PTGFRN: variants seen among roughly 807,000 people sequenced by gnomAD.
PTGFRN encodes prostaglandin F2 receptor negative regulator.
Under a neutral mutation model 83.2 loss-of-function variants are expected in PTGFRN, and 35 were observed. The ratio of observed to expected loss-of-function variants is 0.42; its 90% CI spans 0.32 to 0.56. The LOEUF is 0.56. Ranked by LOEUF, PTGFRN falls within the 20% of genes least tolerant of loss-of-function variation. The pLI, the probability that PTGFRN is intolerant of heterozygous loss-of-function variation, is 0.11. For synonymous variants in PTGFRN, 519 were observed against 498.6 expected (o/e 1.04, Z -0.55); for missense variants, 1,051 against 1,179.5 (o/e 0.89, Z 1.60).
chr1:116,909,963 G>A lies in PTGFRN; in HGVS notation c.-241G>A. ...TCGGGGCTGCACACTCGGATCGGCG[G>A]GGCCGGCTCCCGGGCCCGGCCGGCT... On this transcript the variant is annotated 5_prime_UTR_variant, in exon 1 of 9. Coordinates refer to ENST00000393203, the MANE Select transcript of PTGFRN (RefSeq NM_020440.4). 3.5e-6 allele frequency: 2 copies of A among 571,962 alleles called. No homozygotes were observed. Among genetic ancestry groups the A allele is most frequent in the South Asian group, 4.0e-5 (2 of 49,934 alleles). The allele number at this position is 571,962 out of a possible 1,614,324, so 35.4% of individuals were successfully genotyped here.
At position 116,952,999 on chromosome 1, in the gene PTGFRN, ATCTCCT is replaced by A. The variant is rs1303016292; in HGVS notation, c.1213+3431_1213+3436del. ...GGCTAGTTAATCTGCACATTAAGCC[ATCTCCT>A]TCTGCTATCAGATGTCTTAAATGAG... is the stretch of plus-strand genomic sequence containing the variant. On this transcript the variant is annotated intron_variant, in intron 4 of 8. Transcript: ENST00000393203. The surrounding 1 kb of genome is among the most constrained non-coding windows in gnomAD (Gnocchi z 4.0). Among the ~76,000 whole-genome samples the A allele has an allele frequency of 6.6e-6, 1 of 152,226 alleles. No homozygotes were observed. The highest frequency in any genetic ancestry group is 1.5e-5 in the Non-Finnish European group (1 of 68,030).
intron 1 of PTGFRN, among the ~76,000 whole-genome samples, chr1:116,912,929 A>G (rs1053134155): frequency 1.3e-5 from 2 of 152,102 alleles, no homozygotes; most frequent in Non-Finnish European, 2.9e-5. Context: ...AAGCCTACCT[A>G]CCATGATCAC....
At chr1:116,954,109 C>G (rs746615016) in intron 4 of PTGFRN, among the ~76,000 whole-genome samples, 1 of 152,076 alleles carries the variant, frequency 6.6e-6, no homozygotes, top group Non-Finnish European at 1.5e-5. Context: ...CCGCCCGTCT[C>G]GGCCTCCCAA....
chr1:116,939,963 C>G (rs1650019830), intron 1 of PTGFRN, among the ~76,000 whole-genome samples: 1 of 152,172 alleles, frequency 6.6e-6, no homozygotes, highest in South Asian at 2.1e-4. Context: ...AGTTCCTCAT[C>G]TCCATCTGCA....
rs765722452 is a variant in PTGFRN at position 116,941,969 on chromosome 1, G to T, written c.304G>T (p.Val102Leu). ...ILLRRTANDAVELHIKNVQPS... is the reference protein window; with the variant it reads ...ILLRRTANDALELHIKNVQPS... ...GTTAAGGCGGACTGCCAACGACGCCGTGGAGCTCCACATAAAGAACGTCCA... is the reference window on the plus strand; with the variant it reads ...GTTAAGGCGGACTGCCAACGACGCCTTGGAGCTCCACATAAAGAACGTCCA... Residue 102 changes from valine to leucine, a missense_variant, in exon 2 of 9, where the codon GTG becomes TTG. This residue lies in a region of PTGFRN where 127 missense variants were observed against 168.4 expected (regional missense o/e 0.75). Transcript: ENST00000393203. The surrounding 1 kb of genome is among the most constrained non-coding windows in gnomAD (Gnocchi z 5.0). The T allele has an allele frequency of 6.2e-7, 1 of 1,614,176 alleles. No homozygotes were observed. Among genetic ancestry groups the T allele is most frequent in the Non-Finnish European group, 8.5e-7 (1 of 1,180,038 alleles).
intron 1 of PTGFRN, among the ~76,000 whole-genome samples, chr1:116,910,779 C>T (rs1649250530): frequency 6.6e-6 from 1 of 152,172 alleles, no homozygotes; most frequent in South Asian, 2.1e-4. Flanking sequence ...ACAGGGTGGC[C>T]CGGAGCGTTA....
intron 1 of PTGFRN, among the ~76,000 whole-genome samples, chr1:116,919,550 T>C (rs1325631495): frequency 1.3e-5 from 2 of 152,150 alleles, no homozygotes; most frequent in Admixed American, 6.5e-5. Context: ...TAATGCACTT[T>C]CCATAGATGA....
At position 116,941,930 on chromosome 1, in the gene PTGFRN, A is replaced by T. The variant is rs970992669; in HGVS notation, c.265A>T (p.Arg89Trp). Residue 89 changes from arginine (R) to tryptophan (W), a missense_variant, in exon 2 of 9, where the codon AGG (arginine) becomes TGG (tryptophan). Transcript: ENST00000393203. The surrounding 1 kb of genome is among the most constrained non-coding windows in gnomAD (Gnocchi z 5.0). ...CCAGCTGTACCAGGAGCGGCTGCAG[A>T]GGGGCGAGATCCTGTTAAGGCGGAC... Reference protein sequence around the residue: ...PAQLYQERLQRGEILLRRTAN... With the variant: ...PAQLYQERLQWGEILLRRTAN... 1 of 1,614,174 alleles carries T rather than the reference A, an allele frequency of 6.2e-7. No homozygotes were observed. The highest frequency in any genetic ancestry group is 1.3e-5 in the African/African-American group (1 of 75,048).
At chr1:116,978,078 G>A (rs1651208210) in intron 7 of PTGFRN, among the ~76,000 whole-genome samples, 1 of 152,208 alleles carries the variant, frequency 6.6e-6, no homozygotes, top group Non-Finnish European at 1.5e-5. Context: ...ACTACCATCA[G>A]AGAATACTAT....
chr1:116,914,753 CAAA>C (rs370405921), intron 1 of PTGFRN, among the ~76,000 whole-genome samples: 2 of 129,456 alleles, frequency 1.5e-5, no homozygotes, highest in African/African-American at 2.9e-5. Context: ...GACCCTGTCT[CAAA>C]AAAAAAAAAG....
At chr1:116,967,454 G>A in intron 6 of PTGFRN, 124 bp downstream of exon 6, 1 of 1,004,398 alleles carries the variant, frequency 1.0e-6, no homozygotes. Flanking sequence ...CAATGTACCT[G>A]TTTAAAGTGT....
In PTGFRN at chr1:116,986,993, G is replaced by A. The variant is rs1651515186; in HGVS notation, c.*26G>A. ...GCTGGCCCGGGAGGGGAGTGACAGAGGGACGTTCTAGGAGCAATTGGGGCA... is the reference window on the plus strand; with the variant it reads ...GCTGGCCCGGGAGGGGAGTGACAGAAGGACGTTCTAGGAGCAATTGGGGCA... On this transcript the variant is annotated 3_prime_UTR_variant, in exon 9 of 9. Coordinates refer to ENST00000393203, the MANE Select transcript of PTGFRN (RefSeq NM_020440.4). The A allele has an allele frequency of 1.2e-6, 2 of 1,613,564 alleles. No individual in the cohort carries two copies. The highest frequency in any genetic ancestry group is 2.2e-5 in the East Asian group (1 of 44,868).
intron 8 of PTGFRN, among the ~76,000 whole-genome samples, chr1:116,985,545 A>G (rs1651446121): frequency 6.6e-6 from 1 of 152,046 alleles, no homozygotes; most frequent in Non-Finnish European, 1.5e-5. Context: ...AAAAATACAA[A>G]AAAGAAAAAC....
At chr1:116,968,551 T>G (rs573022952) in intron 6 of PTGFRN, among the ~76,000 whole-genome samples, 108 of 152,256 alleles carry the variant, frequency 7.1e-4, no homozygotes, top group Non-Finnish European at 1.4e-3. Context: ...TTTATTGAGA[T>G]ATAACTCACA....
intron 1 of PTGFRN, among the ~76,000 whole-genome samples, chr1:116,925,369 G>A (rs1368561586): frequency 6.6e-6 from 1 of 152,020 alleles, no homozygotes; most frequent in Non-Finnish European, 1.5e-5. Context: ...AGAGGTTGCA[G>A]TGAGCTGAGA....
In PTGFRN at chr1:116,944,651, C is replaced by T. The variant is rs777297322; in HGVS notation, c.419-28C>T. 5.7e-6 allele frequency: 8 copies of T among 1,398,114 alleles called. No homozygotes were observed. The East Asian group carries it at 2.2e-4, about 39-fold the overall frequency. The allele number at this position is 1,398,114 out of a possible 1,614,324, so 86.6% of individuals were successfully genotyped here. A position where few individuals can be genotyped will look rare whatever the true frequency, so the allele number is the denominator to read the frequency against. On this transcript the variant is annotated intron_variant, in intron 2 of 8. Coordinates refer to ENST00000393203, the MANE Select transcript of PTGFRN (RefSeq NM_020440.4). Reference sequence around the variant, plus strand: ...GCCGGCTGGGGTCGGTGTGGACGGGCTACTGACCTAGCTTTCTCTCTCCGC... The same window carrying T: ...GCCGGCTGGGGTCGGTGTGGACGGGTTACTGACCTAGCTTTCTCTCTCCGC...
chr1:116,976,147 A>G (rs1309164821), intron 7 of PTGFRN, among the ~76,000 whole-genome samples: 3 of 152,244 alleles, frequency 2.0e-5, no homozygotes, highest in South Asian at 4.1e-4. Flanking sequence ...AACGAATGAA[A>G]TGAAGCGAGA....
intron 6 of PTGFRN, among the ~76,000 whole-genome samples, chr1:116,968,967 G>A (rs1650915685): frequency 6.6e-6 from 1 of 152,150 alleles, no homozygotes; most frequent in South Asian, 2.1e-4. Flanking sequence ...TGGACGTTTA[G>A]ACTATCTCTA....
intron 1 of PTGFRN, among the ~76,000 whole-genome samples, chr1:116,932,578 C>T (rs1414732809): frequency 6.6e-6 from 1 of 151,960 alleles, no homozygotes; most frequent in Non-Finnish European, 1.5e-5. Flanking sequence ...AAAGGTAGTA[C>T]ATCAGAAAAA....
Sources: gnomAD v4.1 joint callset for allele counts (sites outside exome capture counted in the v4.1 genomes callset) on GRCh38, gnomAD v4.1.1 for gene constraint, gnomAD v4.1.1 regional missense constraint, Gnocchi (gnomAD v3.1) non-coding constraint, MANE v1.5 for transcripts, NCBI Gene and HGNC (gene_info 2026-07-23, HGNC 2026-07-21) for gene names.